The following FFAR4 variants were observed in gnomAD, a reference collection of about 807,000 sequenced individuals.
The protein encoded by FFAR4 is G-protein coupled receptor 120.
FFAR4 carries 19 observed loss-of-function variants against 27.0 expected under a neutral mutation model. The ratio of observed to expected loss-of-function variants is 0.70; its 90% confidence interval spans 0.49 to 1.03. The LOEUF is 1.03. Ranked by LOEUF, FFAR4 falls within the 50% of genes least tolerant of loss-of-function variation. The pLI is 0.00. For synonymous variants in FFAR4, 254 were observed against 215.6 expected (o/e 1.18, Z -1.56); for missense variants, 476 against 479.0 (o/e 0.99, Z 0.06).
chr10:93,571,968 AG>A (rs1489400530), intron 1 of FFAR4, among the ~76,000 whole-genome samples: 1 of 152,214 alleles, frequency 6.6e-6, no homozygotes, highest in Non-Finnish European at 1.5e-5. Context: ...TTTGCAAATA[AG>A]TCAGGCAGTG....
At chr10:93,571,133 C>A (rs12415204) in intron 1 of FFAR4, among the ~76,000 whole-genome samples, 25,952 of 152,110 alleles carry the variant, frequency 0.17, 2,861 homozygotes, top group South Asian at 0.25. Context: ...TTTAAGAGGG[C>A]GAACACATCC....
At chr10:93,574,716 G>A (rs541051978) in intron 1 of FFAR4, among the ~76,000 whole-genome samples, 18 of 151,484 alleles carry the variant, frequency 1.2e-4, no homozygotes, top group East Asian at 3.9e-4. Flanking sequence ...GTGAAACCCC[G>A]TCTCTACTAA....
chr10:93,584,714 T>G (rs993160518), intron 2 of FFAR4, among the ~76,000 whole-genome samples: 3 of 107,026 alleles, frequency 2.8e-5, no homozygotes, highest in Admixed American at 8.1e-5. Context: ...CAAGTTTTTG[T>G]TTTTTTTTTT....
rs2058240967 is a variant in FFAR4, at chr10:93,588,148, T to C, written c.*539T>C. 6.6e-6 allele frequency: 1 copy of C among 152,602 alleles called. No homozygotes were observed. Among genetic ancestry groups the C allele is most frequent in the African/African-American group, 2.4e-5 (1 of 41,316 alleles). The allele number at this position is 152,602 out of a possible 1,614,324, so 9.5% of individuals were successfully genotyped here. A position where few individuals can be genotyped will look rare whatever the true frequency, so the allele number is the denominator to read the frequency against. On this transcript the variant is annotated 3_prime_UTR_variant, in exon 3 of 3. Coordinates refer to ENST00000371481, the MANE Select transcript of FFAR4 (RefSeq NM_001195755.2). ...TCCTTTTAAATGTGAACTTTTTTAG[T>C]GTGTTTGTAATATGATCAAATTTAA...
rs982146852 is a variant in FFAR4, at chr10:93,587,930, T to A, written c.*321T>A. 6.8e-4 allele frequency: 114 copies of A among 168,236 alleles called. No individual in the cohort carries two copies. Among genetic ancestry groups the A allele is most frequent in the Middle Eastern group, 5.6e-3 (2 of 356 alleles). 10.4% of individuals were successfully genotyped at this position (168,236 alleles called of 1,614,324 possible). On this transcript the variant is annotated 3_prime_UTR_variant, in exon 3 of 3. Coordinates refer to ENST00000371481, the MANE Select transcript of FFAR4 (RefSeq NM_001195755.2). ...GTGAGACCCCCGTCTCTACTAAAAA[T>A]AAAAAAAAAAATTAGCTGGGAGTGG...
At chr10:93,569,468 A>T (rs1412682262) in intron 1 of FFAR4, among the ~76,000 whole-genome samples, 1 of 152,106 alleles carries the variant, frequency 6.6e-6, no homozygotes, top group Non-Finnish European at 1.5e-5. Flanking sequence ...GTACCGCACC[A>T]CTGTTAGGGA....
chr10:93,567,343 G>T, intron 1 of FFAR4, 56 bp downstream of exon 1: 1 of 1,496,986 alleles, frequency 6.7e-7, no homozygotes, highest in South Asian at 1.2e-5. Context: ...GGGAAGCGGG[G>T]CCCCGACGGA....
chr10:93,574,241 T>C (rs1370769056), intron 1 of FFAR4, among the ~76,000 whole-genome samples: 1 of 152,198 alleles, frequency 6.6e-6, no homozygotes, highest in Non-Finnish European at 1.5e-5. Flanking sequence ...TGCTCTATCA[T>C]TATACCCTCC....
rs200342645 is a variant in FFAR4, at chr10:93,570,181, G to GTCTC, written c.567+2899_567+2902dup. ...CTCATCTCTCTCTCTCTCTGTCTCT[G>GTCTC]TCTCTCTCACACACACACACACACA... is the stretch of plus-strand genomic sequence containing the variant. On this transcript the variant is annotated intron_variant, in intron 1 of 2. Transcript: ENST00000371481. Among the ~76,000 whole-genome samples, 380 of 144,464 alleles carry GTCTC rather than the reference G, an allele frequency of 2.6e-3. 2 individuals carry two copies. Among genetic ancestry groups the GTCTC allele is most frequent in the African/African-American group, 9.2e-3 (361 of 39,296 alleles). 94.8% of individuals were successfully genotyped at this position (144,464 alleles called of 152,430 possible).
At position 93,585,392 on chromosome 10, in the gene FFAR4, T is replaced by C. The variant is rs984663166; in HGVS notation, c.697-1828T>C. Among the ~76,000 whole-genome samples, 8 of 152,236 alleles carry C rather than the reference T, an allele frequency of 5.3e-5. No individual in the cohort carries two copies. In the East Asian group the frequency reaches 5.8e-4, roughly 11 times the overall value. On this transcript the variant is annotated intron_variant, in intron 2 of 2. Coordinates refer to ENST00000371481, the MANE Select transcript of FFAR4 (RefSeq NM_001195755.2). The stretch of plus-strand genomic sequence containing the variant: ...AGGGGACATAAATGTAAAATGGTCA[T>C]TTTCCACAAATATCACCAGCAGTGC...
chr10:93,579,995 C>T (rs148194544), intron 2 of FFAR4, among the ~76,000 whole-genome samples: 4 of 152,322 alleles, frequency 2.6e-5, no homozygotes, highest in African/African-American at 7.2e-5. Context: ...TTACTTTCCA[C>T]GTTATTAGCA....
chr10:93,568,643 G>A (rs530695912), intron 1 of FFAR4, among the ~76,000 whole-genome samples: 2 of 152,310 alleles, frequency 1.3e-5, no homozygotes, highest in South Asian at 4.1e-4. Flanking sequence ...CTGAGACAGA[G>A]AGGTGGAGCT....
chr10:93,588,657 A>G lies in FFAR4; in HGVS notation c.*1048A>G, dbSNP rs1377815625. ...CTTCGAGTCAGGGGCAGAAAAACTA[A>G]ATAAAAGTCAATAAACTATATCTAT... On this transcript the variant is annotated 3_prime_UTR_variant, in exon 3 of 3. Coordinates refer to ENST00000371481, the MANE Select transcript of FFAR4 (RefSeq NM_001195755.2). 6.6e-6 allele frequency: 1 copy of G among 152,192 alleles called. No homozygotes were observed. Among genetic ancestry groups the G allele is most frequent in the Non-Finnish European group, 1.5e-5 (1 of 68,038 alleles). The allele number at this position is 152,192 out of a possible 1,614,324, so 9.4% of individuals were successfully genotyped here.
intron 2 of FFAR4, among the ~76,000 whole-genome samples, chr10:93,586,095 C>T (rs953897160): frequency 4.6e-5 from 7 of 152,192 alleles, no homozygotes; most frequent in Non-Finnish European, 8.8e-5. Context: ...GCTGTGTCCC[C>T]ACCCAAATCT....
At chr10:93,582,502 C>T (rs919881548) in intron 2 of FFAR4, among the ~76,000 whole-genome samples, 3 of 144,842 alleles carry the variant, frequency 2.1e-5, no homozygotes, top group South Asian at 2.2e-4. Context: ...CGAGATCACA[C>T]TATTGCACTC....
chr10:93,571,278 C>G (rs1277319446), intron 1 of FFAR4, among the ~76,000 whole-genome samples: 1 of 152,156 alleles, frequency 6.6e-6, no homozygotes, highest in Admixed American at 6.5e-5. Context: ...CCAGAATGTG[C>G]TGCCCATTCA....
intron 1 of FFAR4, among the ~76,000 whole-genome samples, chr10:93,573,881 T>C (rs1295217584): frequency 6.6e-6 from 1 of 152,238 alleles, no homozygotes; most frequent in Non-Finnish European, 1.5e-5. Context: ...GGTCTGTGTT[T>C]CATGTTTGAT....
At position 93,587,766 on chromosome 10, in the gene FFAR4, A is replaced by T; in HGVS notation, c.*157A>T. On this transcript the variant is annotated 3_prime_UTR_variant, in exon 3 of 3. Transcript: ENST00000371481. Reference sequence around the variant, plus strand: ...GTCGGTAAATTAAGGGGTGATCACCAAGTTTCATAATATTTTCCCTTTATA... The same window carrying T: ...GTCGGTAAATTAAGGGGTGATCACCTAGTTTCATAATATTTTCCCTTTATA... 1 of 694,824 alleles carries T rather than the reference A, an allele frequency of 1.4e-6. No homozygotes were observed. 43.0% of individuals were successfully genotyped at this position (694,824 alleles called of 1,614,324 possible).
rs181012917 is a variant in FFAR4 at position 93,583,169 on chromosome 10, A to G, written c.697-4051A>G. ...TGTAATCCTAGCACTTTGGGAGGCC[A>G]AGGCGGGTGGATCACGAGGTCAGGA... On this transcript the variant is annotated intron_variant, in intron 2 of 2. Coordinates refer to ENST00000371481, the MANE Select transcript of FFAR4 (RefSeq NM_001195755.2). 5.4e-3 allele frequency among the ~76,000 whole-genome samples: 823 copies of G among 151,420 alleles called. 12 individuals carry two copies. Among genetic ancestry groups the G allele is most frequent in the African/African-American group, 0.019 (769 of 41,206 alleles).
Sources: gnomAD v4.1 joint callset for allele counts (sites outside exome capture counted in the v4.1 genomes callset) on GRCh38, gnomAD v4.1.1 for gene constraint, MANE v1.5 for transcripts, NCBI Gene and HGNC (gene_info 2026-07-23, HGNC 2026-07-21) for gene names.